Variants in FOLH1 observed in about 807,000 individuals in gnomAD.
FOLH1 encodes the protein glutamate carboxypeptidase 2.
Under a neutral mutation model 93.9 loss-of-function variants are expected in FOLH1, and 54 were observed. The ratio of observed to expected loss-of-function variants is 0.57; its 90% CI spans 0.46 to 0.72. The LOEUF is 0.72. FOLH1 is among the 30% of genes least tolerant of loss of function. The pLI is 0.00. For synonymous variants in FOLH1, 249 were observed against 303.6 expected (o/e 0.82, Z 1.87); for missense variants, 571 against 892.5 (o/e 0.64, Z 4.59).
intron 7 of FOLH1, among the ~76,000 whole-genome samples, chr11:49,179,646 G>GAAAAA (rs565793781): frequency 4.4e-4 from 67 of 152,180 alleles, no homozygotes; most frequent in Non-Finnish European, 8.2e-4. Context: ...CACCTATATA[G>GAAAAA]AAAGAATCTC....
At chr11:49,207,506 G>A (rs532715124) in intron 1 of FOLH1, among the ~76,000 whole-genome samples, 12 of 152,316 alleles carry the variant, frequency 7.9e-5, no homozygotes, top group Admixed American at 3.3e-4. Context: ...ACTACCTGGT[G>A]ATACCTTAGA....
chr11:49,196,220 G>T (rs1234953336), intron 3 of FOLH1, among the ~76,000 whole-genome samples: 2 of 152,204 alleles, frequency 1.3e-5, no homozygotes, highest in Non-Finnish European at 2.9e-5. Flanking sequence ...AATAAAAATT[G>T]TTCTATGACA....
chr11:49,167,858 GAAAAA>G (rs1199049004), intron 12 of FOLH1, among the ~76,000 whole-genome samples: 2 of 140,568 alleles, frequency 1.4e-5, no homozygotes, highest in African/African-American at 5.1e-5. Context: ...AACAGAAACA[GAAAAA>G]AAAAACAAAC....
At chr11:49,187,499 T>C (rs1046490239) in intron 4 of FOLH1, among the ~76,000 whole-genome samples, 4 of 152,236 alleles carry the variant, frequency 2.6e-5, no homozygotes, top group African/African-American at 9.6e-5. Context: ...ACAACTTTTA[T>C]ATTGATCCAA....
rs1470966199 is a variant in FOLH1 at position 49,154,208 on chromosome 11, A to T, written c.1888+20T>A. ...TAGAACCATACAGATGAGGAATTTG[A>T]AAAAGGAAGGGTAACATACCAAATG... On this transcript the variant is annotated intron_variant, in intron 16 of 18. Coordinates refer to ENST00000256999, the MANE Select transcript of FOLH1 (RefSeq NM_004476.3). The T allele has an allele frequency of 6.2e-7, 1 of 1,611,090 alleles. No homozygotes were observed. The highest frequency in any genetic ancestry group is 8.5e-7 in the Non-Finnish European group (1 of 1,178,056).
chr11:49,180,625 C>T lies in FOLH1; in HGVS notation c.920+2524G>A, dbSNP rs1332932547. Reference sequence around the variant, plus strand: ...TTAGTGCACAATGCTAAACTGCTAACCACTTGAGAGAACCTCAGAATTGAG... The same window carrying T: ...TTAGTGCACAATGCTAAACTGCTAATCACTTGAGAGAACCTCAGAATTGAG... On this transcript the variant is annotated intron_variant, in intron 7 of 18. Coordinates refer to ENST00000256999, the MANE Select transcript of FOLH1 (RefSeq NM_004476.3). Among the ~76,000 whole-genome samples the T allele has an allele frequency of 2.0e-5, 3 of 152,142 alleles. No individual in the cohort carries two copies. In the East Asian group the frequency reaches 5.8e-4, roughly 29 times the overall value.
intron 11 of FOLH1, among the ~76,000 whole-genome samples, 191 bp from the exon 12 acceptor site, chr11:49,169,449 A>G (rs1317300151): frequency 2.0e-5 from 3 of 152,326 alleles, no homozygotes; most frequent in African/African-American, 7.2e-5. Context: ...CGTAGGAAAC[A>G]ACAAGCAAAA....
At chr11:49,193,969 C>T (rs1291838602) in intron 3 of FOLH1, among the ~76,000 whole-genome samples, 3 of 151,806 alleles carry the variant, frequency 2.0e-5, no homozygotes, top group Non-Finnish European at 4.4e-5. Flanking sequence ...ACCAGCCTGA[C>T]CAACATGGTG....
chr11:49,187,038 C>A (rs192098163), intron 4 of FOLH1, among the ~76,000 whole-genome samples: 1 of 150,908 alleles, frequency 6.6e-6, no homozygotes, highest in Non-Finnish European at 1.5e-5. Flanking sequence ...CAGAAGCACC[C>A]CCCCCACACA....
At position 49,164,911 on chromosome 11, in the gene FOLH1, C is replaced by G. The variant is rs189910041; in HGVS notation, c.1373-139G>C. On this transcript the variant is annotated intron_variant, in intron 12 of 18. Coordinates refer to ENST00000256999, the MANE Select transcript of FOLH1 (RefSeq NM_004476.3). ...CTGTAACTCTCCAATGGCTTCCCAA[C>G]TAACTCTGTAAAGTCCATCATTCTC... 1.6e-4 allele frequency: 114 copies of G among 696,092 alleles called. No homozygotes were observed. In the African/African-American group the frequency reaches 2.0e-3, roughly 12 times the overall value. 43.1% of individuals were successfully genotyped at this position (696,092 alleles called of 1,614,324 possible).
intron 16 of FOLH1, 131 bp downstream of exon 16, chr11:49,154,088 AAATACATTT>A: frequency 7.3e-7 from 1 of 1,375,020 alleles, no homozygotes; most frequent in African/African-American, 1.5e-5. Flanking sequence ...ATAAAATGGA[AAATACATTT>A]ATAGACATAA....
chr11:49,176,556 A>G (rs1411480677), intron 7 of FOLH1, among the ~76,000 whole-genome samples: 1 of 152,152 alleles, frequency 6.6e-6, no homozygotes, highest in Non-Finnish European at 1.5e-5. Context: ...AATGTTTATG[A>G]AATGGTGGGG....
chr11:49,149,534 A>G (rs975853780), intron 17 of FOLH1, among the ~76,000 whole-genome samples: 1 of 152,190 alleles, frequency 6.6e-6, no homozygotes, highest in Non-Finnish European at 1.5e-5. Flanking sequence ...TTTGTGGAAC[A>G]CATGGCTAGT....
intron 4 of FOLH1, among the ~76,000 whole-genome samples, chr11:49,192,083 T>G (rs1362778808): frequency 6.6e-6 from 1 of 152,184 alleles, no homozygotes; most frequent in African/African-American, 2.4e-5. Context: ...TAAAGTATAT[T>G]TTATATTTTT....
intron 9 of FOLH1, 99 bp from the exon 10 acceptor site, chr11:49,173,575 C>CA (rs146564769): frequency 0.39 from 250,903 of 642,982 alleles, 41,766 homozygotes; most frequent in Admixed American, 0.6. Flanking sequence ...ACTCACGCCT[C>CA]AGAAAAAAAA....
At position 49,152,792 on chromosome 11, in the gene FOLH1, T is replaced by C. The variant is rs181609039; in HGVS notation, c.1970+1054A>G. On this transcript the variant is annotated intron_variant, in intron 17 of 18. Coordinates refer to ENST00000256999, the MANE Select transcript of FOLH1 (RefSeq NM_004476.3). ...TCAAATGGTCTCAAATCTGATTGCA[T>C]CATTTCCCCATTGCTTCTAAACTTG... Among the ~76,000 whole-genome samples, 43 of 152,300 alleles carry C rather than the reference T, an allele frequency of 2.8e-4. No homozygotes were observed. In the East Asian group the frequency reaches 5.2e-3, roughly 18 times the overall value.
At chr11:49,154,094 A>G in intron 16 of FOLH1, 134 bp downstream of exon 16, 1 of 1,397,604 alleles carries the variant, frequency 7.2e-7, no homozygotes, top group Non-Finnish European at 9.7e-7. Flanking sequence ...TGGAAAATAC[A>G]TTTATAGACA....
At chr11:49,148,779 T>C (rs1856074949) in intron 17 of FOLH1, 48 bp from the exon 18 acceptor site, 2 of 1,479,594 alleles carry the variant, frequency 1.4e-6, no homozygotes, top group South Asian at 2.6e-5. Flanking sequence ...AATATGTTTC[T>C]ACTCAGAAAA....
chr11:49,207,730 A>T, intron 1 of FOLH1: 2 of 365,386 alleles, frequency 5.5e-6, no homozygotes, highest in Non-Finnish European at 5.4e-6. Context: ...TGGCAAAGTC[A>T]AAACTGGAAT....
Sources: allele counts gnomAD v4.1 joint callset (sites outside exome capture counted in the v4.1 genomes callset), GRCh38; gene constraint gnomAD v4.1.1; transcripts MANE v1.5; gene names NCBI Gene and HGNC (gene_info 2026-07-23, HGNC 2026-07-21).